SYT2: variants seen among roughly 807,000 people sequenced by gnomAD.
The protein encoded by SYT2 is synaptotagmin-2.
Under a neutral mutation model 39.9 loss-of-function variants are expected in SYT2, and 15 were observed. That is an observed-to-expected ratio of 0.38 (90% CI 0.25 to 0.58). The LOEUF is 0.58. SYT2 is among the 20% of genes least tolerant of loss of function. The pLI, the probability that SYT2 is intolerant of heterozygous loss-of-function variation, is 0.70. For synonymous variants in SYT2, 181 were observed against 204.5 expected, an observed-to-expected ratio of 0.89 and a Z score of 0.98; for missense variants, 389 against 530.3, an observed-to-expected ratio of 0.73 and a Z score of 2.62.
chr1:202,697,548 C>T lies in SYT2; in HGVS notation c.-18+12710G>A, dbSNP rs145290676. Among the ~76,000 whole-genome samples the T allele has an allele frequency of 8.7e-4, 133 of 152,370 alleles. 1 individual carries two copies. The East Asian group carries it at 0.014, about 16-fold the overall frequency. ...AAGGAAATGCTCTCTGAAAGTAGGG[C>T]AATGGCCAAGACCCAGAAGGGGCTG... On this transcript the variant is annotated intron_variant, in intron 1 of 8. Coordinates refer to ENST00000367268, the MANE Select transcript of SYT2 (RefSeq NM_177402.5).
intron 1 of SYT2, among the ~76,000 whole-genome samples, chr1:202,704,250 C>G (rs1654192823): frequency 1.3e-5 from 2 of 152,178 alleles, no homozygotes; most frequent in African/African-American, 4.8e-5. Context: ...ATGCTCCCAG[C>G]TTCAGAACTC....
chr1:202,625,047 CTAGTAGGGTGTGTGGTGTG>C (rs1691341995), intron 1 of SYT2, among the ~76,000 whole-genome samples: 1 of 7,306 alleles, frequency 1.4e-4, no homozygotes, highest in South Asian at 3.7e-3. Context: ...TGTGTGGTGT[CTAGTAGGGTGTGTGGTGTG>C]TAGTAGGGTG....
chr1:202,596,989 T>A lies in SYT2; in HGVS notation c.1054-26A>T, dbSNP rs369995813. On this transcript the variant is annotated intron_variant, in intron 8 of 8. Coordinates refer to ENST00000367268, the MANE Select transcript of SYT2 (RefSeq NM_177402.5). ...CTGCAAGGAAAACGAGGGAGGGAGTTGGCAGACAGAGACGTGGGATCCCAT... is the reference window on the plus strand; with the variant it reads ...CTGCAAGGAAAACGAGGGAGGGAGTAGGCAGACAGAGACGTGGGATCCCAT... 4.2e-4 allele frequency: 681 copies of A among 1,604,018 alleles called. 2 individuals are homozygous for A. The Middle Eastern group carries it at 4.3e-3, about 10-fold the overall frequency.
chr1:202,667,960 C>T (rs904685178), intron 1 of SYT2, among the ~76,000 whole-genome samples: 1 of 152,214 alleles, frequency 6.6e-6, no homozygotes, highest in African/African-American at 2.4e-5. Flanking sequence ...ATCTGCCCAC[C>T]TCGGCCTCCC....
chr1:202,631,060 G>A (rs1691574957), intron 1 of SYT2, among the ~76,000 whole-genome samples: 2 of 152,222 alleles, frequency 1.3e-5, no homozygotes, highest in African/African-American at 4.8e-5. Context: ...ACATATCACA[G>A]CCGAGGAAAC....
chr1:202,640,252 C>G (rs950378482), intron 1 of SYT2, among the ~76,000 whole-genome samples: 2 of 150,928 alleles, frequency 1.3e-5, no homozygotes, highest in Non-Finnish European at 2.9e-5. Context: ...CCACCCCACC[C>G]CGCCCCACCC....
intron 1 of SYT2, chr1:202,643,504 C>G (rs1412840072): frequency 6.6e-6 from 1 of 152,510 alleles, no homozygotes; most frequent in African/African-American, 2.4e-5. Flanking sequence ...CCCGCTTCCC[C>G]CGCCCGCCTA....
chr1:202,629,547 A>G (rs1484690678), intron 1 of SYT2, among the ~76,000 whole-genome samples: 2 of 152,094 alleles, frequency 1.3e-5, no homozygotes, highest in African/African-American at 4.8e-5. Flanking sequence ...CTCCCATCCT[A>G]TAGATGACAA....
chr1:202,635,237 G>A (rs1310166074), intron 1 of SYT2, among the ~76,000 whole-genome samples: 1 of 152,146 alleles, frequency 6.6e-6, no homozygotes, highest in African/African-American at 2.4e-5. Flanking sequence ...CCTAAGACCT[G>A]ATCCAGCCCA....
intron 1 of SYT2, among the ~76,000 whole-genome samples, chr1:202,682,825 T>C (rs1558460263): frequency 6.6e-6 from 1 of 152,190 alleles, no homozygotes. Flanking sequence ...CCAGCCCTTC[T>C]GCTTTAAGAG....
At chr1:202,630,301 G>A (rs1423573678) in intron 1 of SYT2, 5 of 881,998 alleles carry the variant, frequency 5.7e-6, no homozygotes, top group Non-Finnish European at 6.8e-6. Context: ...ACACACTCTG[G>A]CTTGACCAGG....
At chr1:202,612,131 T>C (rs1690898764) in intron 1 of SYT2, among the ~76,000 whole-genome samples, 1 of 152,268 alleles carries the variant, frequency 6.6e-6, no homozygotes, top group African/African-American at 2.4e-5. Flanking sequence ...CCATTTGGTA[T>C]ATAACATTTG....
chr1:202,594,814 G>A lies in SYT2; in HGVS notation c.*1943C>T, dbSNP rs1368627687. Reference sequence around the variant, plus strand: ...GCAGGCTTTCCAGTCTGTTTCTGGTGGGGGTATTCCCTCATTTCCCTCACT... The same window carrying A: ...GCAGGCTTTCCAGTCTGTTTCTGGTAGGGGTATTCCCTCATTTCCCTCACT... On this transcript the variant is annotated 3_prime_UTR_variant, in exon 9 of 9. Transcript: ENST00000367268. 4 of 152,124 alleles carry A rather than the reference G, an allele frequency of 2.6e-5. No homozygotes were observed. The highest frequency in any genetic ancestry group is 9.7e-5 in the African/African-American group (4 of 41,392). The allele number at this position is 152,124 out of a possible 1,614,324, so 9.4% of individuals were successfully genotyped here. A position where few individuals can be genotyped will look rare whatever the true frequency, so the allele number is the denominator to read the frequency against.
rs755216600 is a variant in SYT2 at position 202,601,865 on chromosome 1, A to C, written c.801+25T>G. The stretch of plus-strand genomic sequence containing the variant: ...CACCTGTACATTCGTCTTTCTGCCC[A>C]ACCTGGCCTCATCTCTGCTCTTACC... On this transcript the variant is annotated intron_variant, in intron 6 of 8. Coordinates refer to ENST00000367268, the MANE Select transcript of SYT2 (RefSeq NM_177402.5). The surrounding 1 kb of genome is among the most constrained non-coding windows in gnomAD (Gnocchi z 4.0). 1.2e-6 allele frequency: 2 copies of C among 1,607,770 alleles called. No homozygotes were observed. Among genetic ancestry groups the C allele is most frequent in the Admixed American group, 3.4e-5 (2 of 59,574 alleles).
chr1:202,675,682 A>G (rs1196512331), intron 1 of SYT2, among the ~76,000 whole-genome samples: 6 of 152,222 alleles, frequency 3.9e-5, no homozygotes, highest in Admixed American at 2.6e-4. Flanking sequence ...CTGATACCCA[A>G]ATGGATTTCT....
chr1:202,597,816 G>A (rs529966148), intron 8 of SYT2, among the ~76,000 whole-genome samples: 78 of 152,318 alleles, frequency 5.1e-4, no homozygotes, highest in Non-Finnish European at 1.0e-3. Flanking sequence ...CCAAGGCAGG[G>A]ACAGTGGGGA....
chr1:202,669,656 G>A (rs986116614), intron 1 of SYT2, among the ~76,000 whole-genome samples: 2 of 151,528 alleles, frequency 1.3e-5, no homozygotes, highest in African/African-American at 4.9e-5. Flanking sequence ...TTAATCAGAG[G>A]CTGACGTGGG....
At chr1:202,612,394 G>T (rs1183281066) in intron 1 of SYT2, among the ~76,000 whole-genome samples, 1 of 152,020 alleles carries the variant, frequency 6.6e-6, no homozygotes, top group Non-Finnish European at 1.5e-5. Context: ...TTGAGCCAAG[G>T]TCTCACTCTG....
Position 202,601,921 on chromosome 1 carries a change from C to CA in SYT2, c.769dup (p.Trp257LeufsTer39). On this transcript the variant is annotated frameshift_variant, in exon 6 of 9. Transcript: ENST00000367268. LOFTEE classifies it high-confidence loss of function. The surrounding 1 kb of genome is among the most constrained non-coding windows in gnomAD (Gnocchi z 4.0). The stretch of plus-strand genomic sequence containing the variant: ...CTTTTCCCCGCCTTGCAGGTCTCTC[C>CA]ACTCCTCAATGGGCTGGCCGAGGTC... 6.2e-7 allele frequency: 1 copy of CA among 1,614,184 alleles called. No homozygotes were observed. Among genetic ancestry groups the CA allele is most frequent in the Non-Finnish European group, 8.5e-7 (1 of 1,180,030 alleles).
Sources: gnomAD v4.1 joint callset for allele counts (sites outside exome capture counted in the v4.1 genomes callset) on GRCh38, gnomAD v4.1.1 for gene constraint, Gnocchi (gnomAD v3.1) non-coding constraint, MANE v1.5 for transcripts, NCBI Gene and HGNC (gene_info 2026-07-23, HGNC 2026-07-21) for gene names.